WASL: variants seen among roughly 807,000 people sequenced by gnomAD.
WASL encodes actin nucleation-promoting factor WASL.
WASL carries 20 observed loss-of-function variants against 55.5 expected under a neutral mutation model. The observed-to-expected ratio is 0.36, with a 90% CI of 0.25 to 0.52. The LOEUF (loss-of-function observed/expected upper bound fraction) is 0.52, where lower values mean the gene tolerates loss of function less well. Among genes scored for constraint, WASL ranks in the 20% least tolerant of loss-of-function variants. The pLI, the probability that WASL is intolerant of heterozygous loss-of-function variation, is 0.92. For synonymous variants in WASL, 249 were observed against 217.6 expected (o/e 1.14, Z -1.27); for missense variants, 504 against 622.5 (o/e 0.81, Z 2.03).
At chr7:123,736,735 A>G (rs748011355) in intron 1 of WASL, among the ~76,000 whole-genome samples, 7 of 152,244 alleles carry the variant, frequency 4.6e-5, no homozygotes, top group Non-Finnish European at 1.0e-4. Context: ...GTGCAGAAGA[A>G]AACAAGACAA....
At chr7:123,720,334 C>T in intron 1 of WASL, 2 of 402,298 alleles carry the variant, frequency 5.0e-6, no homozygotes, top group South Asian at 3.5e-5. Context: ...AATAGGATAC[C>T]ATACAGCTGC....
Position 123,684,534 on chromosome 7 carries a change from A to C in WASL, c.1503T>G (p.Asp501Glu). ...AATATATAGATCAGTCTTCCCACTC[A>C]TCATCATCCTCAAAATCTTCTTCAT... ...EDDEEDFEDD[D>E]EWED is the part of the protein sequence containing the mutation. Residue 501 changes from aspartate (D) to glutamate (E), a missense_variant, in exon 11 of 11, where the codon GAT becomes GAG. Around this residue, in one of 5 missense-constraint regions of WASL, gnomAD observed 53 missense variants for 69.1 expected, o/e 0.77. Coordinates refer to ENST00000223023, the MANE Select transcript of WASL (RefSeq NM_003941.4). 3.5e-6 allele frequency: 4 copies of C among 1,129,972 alleles called. No homozygotes were observed. The highest frequency in any genetic ancestry group is 5.2e-6 in the Non-Finnish European group (4 of 770,370). 70.0% of individuals were successfully genotyped at this position (1,129,972 alleles called of 1,614,324 possible). A position where few individuals can be genotyped will look rare whatever the true frequency, so the allele number is the denominator to read the frequency against.
chr7:123,706,205 C>A, intron 4 of WASL, 72 bp downstream of exon 4: 1 of 1,368,142 alleles, frequency 7.3e-7, no homozygotes, highest in Non-Finnish European at 1.0e-6. Context: ...TTACAAAAAA[C>A]AGGAAATGGA....
At position 123,692,560 on chromosome 7, in the gene WASL, T is replaced by C; in HGVS notation, c.1134A>G (p.Pro378=). ...VGPVAPPPPP[P]PPPPPGPPPP... ...GCGGTGGCCCAGGAGGAGGTGGAGG[T>C]GGAGGCGGTGGGGGTGGTGCCACTG... is the stretch of plus-strand genomic sequence containing the variant. The change falls in exon 9 of 11, where the codon CCA becomes CCG. Residue 378 remains proline (P), a synonymous_variant. Coordinates refer to ENST00000223023, the MANE Select transcript of WASL (RefSeq NM_003941.4). The C allele has an allele frequency of 1.9e-6, 3 of 1,612,078 alleles. No individual in the cohort carries two copies. The highest frequency in any genetic ancestry group is 2.5e-6 in the Non-Finnish European group (3 of 1,179,230).
At chr7:123,724,094 T>C (rs574062352) in intron 1 of WASL, among the ~76,000 whole-genome samples, 2 of 152,342 alleles carry the variant, frequency 1.3e-5, no homozygotes, top group African/African-American at 4.8e-5. Context: ...AGACACTGCC[T>C]CTACTTTATT....
In WASL at chr7:123,705,843, T is replaced by C. The variant is rs141952564; in HGVS notation, c.436+434A>G. ...GTTAGCAACTCTGCTTATTTGCTTC[T>C]AAGCTTACCTAAAGTCTTTGTTTAC... On this transcript the variant is annotated intron_variant, in intron 4 of 10. Coordinates refer to ENST00000223023, the MANE Select transcript of WASL (RefSeq NM_003941.4). Among the ~76,000 whole-genome samples, 887 of 152,316 alleles carry C rather than the reference T, an allele frequency of 5.8e-3. 10 individuals are homozygous for C. The highest frequency in any genetic ancestry group is 0.014 in the Admixed American group (217 of 15,294).
chr7:123,718,320 A>G (rs371508997), intron 1 of WASL, among the ~76,000 whole-genome samples: 2 of 152,224 alleles, frequency 1.3e-5, no homozygotes, highest in Admixed American at 6.5e-5. Flanking sequence ...ATGATGCATC[A>G]ATCAGAACAA....
At chr7:123,724,588 T>C (rs140890060) in intron 1 of WASL, among the ~76,000 whole-genome samples, 76 of 152,350 alleles carry the variant, frequency 5.0e-4, no homozygotes, top group African/African-American at 1.8e-3. Context: ...TGAACTGTTA[T>C]TACCTTTAGC....
At position 123,694,728 on chromosome 7, in the gene WASL, T is replaced by C. The variant is rs1404046912; in HGVS notation, c.813A>G (p.Glu271=). The C allele has an allele frequency of 1.9e-6, 3 of 1,612,714 alleles. No homozygotes were observed. The highest frequency in any genetic ancestry group is 2.5e-6 in the Non-Finnish European group (3 of 1,179,490). ...GATAAAAGTTACCTTGCCTCCGCAG[T>C]TCATTTTTAACAGCTTCAACACCTC... ...KTGGVEAVKN[E]LRRQAPPPPP... Residue 271 remains glutamate (E), a synonymous_variant, in exon 8 of 11, where the codon GAA becomes GAG. Transcript: ENST00000223023.
At chr7:123,706,851 T>G (rs760098963) in intron 2 of WASL, 25 bp from the exon 3 acceptor site, 2 of 1,384,758 alleles carry the variant, frequency 1.4e-6, no homozygotes, top group Non-Finnish European at 2.0e-6. Flanking sequence ...AAAATTAAAA[T>G]AAGAACTACC....
chr7:123,692,486 G>A lies in WASL; in HGVS notation c.1208C>T (p.Ala403Val). Residue 403 changes from alanine to valine, a missense_variant, in exon 9 of 11, where the codon GCA (alanine) becomes GTA (valine). Ala to Val is a moderately conservative substitution (Grantham distance 64). Transcript: ENST00000223023. ...ATCTAAAAGAGCTGCTTTGTTTCCT[G>A]CAGTAGTTGGAACCTGATGGTCCCC... Reference protein sequence around the residue: ...SDGDHQVPTTAGNKAALLDQI... With the variant: ...SDGDHQVPTTVGNKAALLDQI... 1 of 1,614,116 alleles carries A rather than the reference G, an allele frequency of 6.2e-7. No individual in the cohort carries two copies. Among genetic ancestry groups the A allele is most frequent in the Non-Finnish European group, 8.5e-7 (1 of 1,180,028 alleles).
chr7:123,688,162 T>C (rs965509220), intron 10 of WASL, among the ~76,000 whole-genome samples: 2 of 152,170 alleles, frequency 1.3e-5, no homozygotes, highest in African/African-American at 4.8e-5. Flanking sequence ...GGAATATTTA[T>C]ATGGTGGTAT....
Position 123,682,757 on chromosome 7 carries a change from C to G in WASL, c.*1762G>C, listed in dbSNP as rs2116758053. 1 of 152,234 alleles carries G rather than the reference C, an allele frequency of 6.6e-6. No individual in the cohort carries two copies. Among genetic ancestry groups the G allele is most frequent in the Middle Eastern group, 3.4e-3 (1 of 294 alleles). The allele number at this position is 152,234 out of a possible 1,614,324, so 9.4% of individuals were successfully genotyped here. ...TTGGTTAGTAGTTGTCCAGCCTCAT[C>G]TGCACCAGATTGACTGAGCTCAAGC... On this transcript the variant is annotated 3_prime_UTR_variant, in exon 11 of 11. Transcript: ENST00000223023.
chr7:123,692,260 C>A, intron 9 of WASL, 87 bp downstream of exon 9: 4 of 1,479,750 alleles, frequency 2.7e-6, no homozygotes, highest in Non-Finnish European at 3.6e-6. Flanking sequence ...AAAAAGAATA[C>A]ACTTTTCAAA....
intron 4 of WASL, among the ~76,000 whole-genome samples, chr7:123,705,164 GT>G (rs1258991028): frequency 6.6e-6 from 1 of 152,194 alleles, no homozygotes; most frequent in Non-Finnish European, 1.5e-5. Context: ...ACAGATCATG[GT>G]GGCCTGGATT....
At position 123,692,255 on chromosome 7, in the gene WASL, GAA is replaced by G. The variant is rs146459258; in HGVS notation, c.1347+90_1347+91del. ...AGAATGAATTAGCAAGAGGAAAAAAGAATACACTTTTCAAAAATATCTTTCAA... is the reference window on the plus strand; with the variant it reads ...AGAATGAATTAGCAAGAGGAAAAAAGTACACTTTTCAAAAATATCTTTCAA... On this transcript the variant is annotated intron_variant, in intron 9 of 10. Transcript: ENST00000223023. 1,200 of 1,460,330 alleles carry G rather than the reference GAA, an allele frequency of 8.2e-4. 19 individuals carry two copies. In the African/African-American group the frequency reaches 0.016, roughly 20 times the overall value. 90.5% of individuals were successfully genotyped at this position (1,460,330 alleles called of 1,614,324 possible).
intron 1 of WASL, among the ~76,000 whole-genome samples, chr7:123,714,960 A>T (rs994046583): frequency 7.2e-5 from 11 of 152,176 alleles, no homozygotes; most frequent in African/African-American, 2.2e-4. Flanking sequence ...CTACCATAGG[A>T]AAGTTTGGTG....
intron 1 of WASL, among the ~76,000 whole-genome samples, chr7:123,711,399 T>C (rs1803755444): frequency 6.6e-6 from 1 of 152,186 alleles, no homozygotes; most frequent in African/African-American, 2.4e-5. Context: ...GACAGGATAC[T>C]GCATTATAAA....
chr7:123,740,640 G>A (rs1562967413), intron 1 of WASL, among the ~76,000 whole-genome samples: 1 of 151,802 alleles, frequency 6.6e-6, no homozygotes, highest in African/African-American at 2.4e-5. Context: ...ATGTTGCCCA[G>A]GCTGGAGTGC....
Sources: allele counts gnomAD v4.1 joint callset (sites outside exome capture counted in the v4.1 genomes callset), GRCh38; gene constraint gnomAD v4.1.1; regional missense constraint gnomAD v4.1.1; transcripts MANE v1.5; gene names NCBI Gene and HGNC (gene_info 2026-07-23, HGNC 2026-07-21).